SMARCAD1: variants seen among roughly 807,000 people sequenced by gnomAD.
SMARCAD1 encodes the protein SNF2 related chromatin remodeling ATPase with DExD box 1, also known as SWI/SNF-related matrix-associated actin-dependent regulator of chromatin subfamily A containing DEAD/H box 1.
In SMARCAD1, 25 loss-of-function variants were observed where a neutral mutation model predicts 127.1. That is an observed-to-expected ratio of 0.20 (90% confidence interval 0.14 to 0.27). The LOEUF is 0.27. Ranked by LOEUF, SMARCAD1 falls within the 10% of genes least tolerant of loss-of-function variation. The pLI is 1.00. For synonymous variants in SMARCAD1, 400 were observed against 396.9 expected, an observed-to-expected ratio of 1.01 and a Z score of -0.09; for missense variants, 807 against 1,206.0, an observed-to-expected ratio of 0.67 and a Z score of 4.90.
At chr4:94,225,975 T>A (rs1013967918) in intron 2 of SMARCAD1, 144 bp from the exon 3 acceptor site, 1 of 739,790 alleles carries the variant, frequency 1.4e-6, no homozygotes. Context: ...ATGATTAATT[T>A]TTTTCTTTAA....
chr4:94,220,736 G>A (rs541512692), intron 2 of SMARCAD1, among the ~76,000 whole-genome samples: 14 of 152,324 alleles, frequency 9.2e-5, no homozygotes, highest in Middle Eastern at 6.8e-3. Context: ...TTAGCACCAC[G>A]GATCAAGGCC....
chr4:94,237,461 A>G lies in SMARCAD1; in HGVS notation c.604+443A>G, dbSNP rs1268105440. On this transcript the variant is annotated intron_variant, in intron 5 of 23. Transcript: ENST00000354268. ...ATATAGAAGCGTGTCCAGTTTTTAA[A>G]TAAATGCTGACTCGATTTTTTTTAA... 4.6e-5 allele frequency among the ~76,000 whole-genome samples: 7 copies of G among 151,634 alleles called. No homozygotes were observed. The East Asian group carries it at 1.4e-3, about 30-fold the overall frequency.
At position 94,273,724 on chromosome 4, in the gene SMARCAD1, A is replaced by C; in HGVS notation, c.1672+8A>C. The C allele has an allele frequency of 6.3e-7, 1 of 1,597,374 alleles. No homozygotes were observed. The highest frequency in any genetic ancestry group is 8.6e-7 in the Non-Finnish European group (1 of 1,165,034). Reference sequence around the variant, plus strand: ...TTCCAGCTTCAACTATAGGTTTGTAATACTGGAGACAACTGTATTTAACTT... The same window carrying C: ...TTCCAGCTTCAACTATAGGTTTGTACTACTGGAGACAACTGTATTTAACTT... On this transcript the variant is annotated splice_region_variant and intron_variant, in intron 12 of 23. Coordinates refer to ENST00000354268, the MANE Select transcript of SMARCAD1 (RefSeq NM_020159.5).
At chr4:94,227,697 A>G (rs1362741398) in intron 3 of SMARCAD1, among the ~76,000 whole-genome samples, 1 of 152,222 alleles carries the variant, frequency 6.6e-6, no homozygotes, top group Non-Finnish European at 1.5e-5. Flanking sequence ...GAAAGTCAGC[A>G]ATTCATTCTT....
At chr4:94,260,489 G>C (rs902578576) in intron 9 of SMARCAD1, among the ~76,000 whole-genome samples, 1 of 151,854 alleles carries the variant, frequency 6.6e-6, no homozygotes, top group African/African-American at 2.4e-5. Flanking sequence ...GATTACAGGC[G>C]TGCACCACCA....
intron 5 of SMARCAD1, among the ~76,000 whole-genome samples, chr4:94,240,262 C>T (rs545718259): frequency 1.3e-5 from 2 of 152,304 alleles, no homozygotes; most frequent in African/African-American, 2.4e-5. Context: ...TACAAGCATA[C>T]ATAAGTAGCA....
At chr4:94,287,991 A>AAT (rs756833494) in intron 23 of SMARCAD1, among the ~76,000 whole-genome samples, 1 of 151,852 alleles carries the variant, frequency 6.6e-6, no homozygotes, top group African/African-American at 2.4e-5. Context: ...TCTCTATTAA[A>AAT]ATATATATAT....
At chr4:94,257,304 A>G (rs1187598932) in intron 9 of SMARCAD1, among the ~76,000 whole-genome samples, 2 of 152,316 alleles carry the variant, frequency 1.3e-5, no homozygotes, top group Admixed American at 6.5e-5. Context: ...AATTCTACCA[A>G]AGATACCCAC....
In SMARCAD1 at chr4:94,290,801, T is replaced by C. The variant is rs1367198677; in HGVS notation, c.*1267T>C. The C allele has an allele frequency of 2.3e-6, 1 of 432,404 alleles. No individual in the cohort carries two copies. Among genetic ancestry groups the C allele is most frequent in the Non-Finnish European group, 4.6e-6 (1 of 219,314 alleles). The allele number at this position is 432,404 out of a possible 1,614,324, so 26.8% of individuals were successfully genotyped here. On this transcript the variant is annotated 3_prime_UTR_variant, in exon 24 of 24. Transcript: ENST00000354268. ...TTTATTATGTAAATATCATTATAAA[T>C]AAACTTATTTATAAATCAAAGATTT... is the stretch of plus-strand genomic sequence containing the variant.
chr4:94,257,796 ATATAGT>A (rs1750338207), intron 9 of SMARCAD1, among the ~76,000 whole-genome samples: 2 of 151,998 alleles, frequency 1.3e-5, no homozygotes, highest in South Asian at 2.1e-4. Flanking sequence ...TCTTTATGTA[ATATAGT>A]TATAATGCAC....
intron 5 of SMARCAD1, among the ~76,000 whole-genome samples, chr4:94,238,537 CACTT>C (rs1235519421): frequency 6.6e-6 from 1 of 152,136 alleles, no homozygotes; most frequent in Non-Finnish European, 1.5e-5. Flanking sequence ...TCGTCCCTAG[CACTT>C]ACTTTAAAAG....
At chr4:94,235,504 T>C (rs1746512855) in intron 4 of SMARCAD1, among the ~76,000 whole-genome samples, 1 of 137,548 alleles carries the variant, frequency 7.3e-6, no homozygotes, top group African/African-American at 2.4e-5. Context: ...ATCTATGTTA[T>C]TTTTGACATG....
chr4:94,260,516 G>A (rs1209156283), intron 9 of SMARCAD1, among the ~76,000 whole-genome samples: 1 of 151,812 alleles, frequency 6.6e-6, no homozygotes. Context: ...GTTAATTTTT[G>A]TATTTTTAGT....
intron 16 of SMARCAD1, among the ~76,000 whole-genome samples, chr4:94,277,640 A>G (rs779818655): frequency 6.6e-6 from 1 of 152,226 alleles, no homozygotes; most frequent in Non-Finnish European, 1.5e-5. Flanking sequence ...CTTCACAAGA[A>G]AAGTTTTGTT....
In SMARCAD1 at chr4:94,279,017, A is replaced by G. The variant is rs1277899800; in HGVS notation, c.2385A>G (p.Glu795=). The part of the protein sequence containing the change: ...PLLHRQYYTA[E]KLKEMSQLML... The stretch of plus-strand genomic sequence containing the variant: ...TACATCGCCAATATTACACAGCTGA[A>G]AAACTCAAGGAAATGTCTCAGCTTA... Residue 795 remains glutamate (E), a synonymous_variant, in exon 19 of 24, where the codon GAA becomes GAG. Transcript: ENST00000354268. 6.2e-7 allele frequency: 1 copy of G among 1,614,032 alleles called. No homozygotes were observed. The highest frequency in any genetic ancestry group is 1.3e-5 in the African/African-American group (1 of 74,928).
intron 1 of SMARCAD1, 73 bp from the exon 2 acceptor site, chr4:94,208,273 A>G (rs777098697): frequency 3.8e-6 from 4 of 1,066,524 alleles, no homozygotes; most frequent in Non-Finnish European, 5.8e-6. Context: ...TTGCCTTGGG[A>G]ATAAACTGCT....
chr4:94,256,489 A>C (rs995136161), intron 9 of SMARCAD1, among the ~76,000 whole-genome samples: 10 of 152,018 alleles, frequency 6.6e-5, no homozygotes, highest in Non-Finnish European at 1.2e-4. Flanking sequence ...CAGCCTCCCT[A>C]GTAGCTGGGA....
In SMARCAD1 at chr4:94,248,340, T is replaced by A. The variant is rs1429591107; in HGVS notation, c.706-1314T>A. On this transcript the variant is annotated intron_variant, in intron 6 of 23. Transcript: ENST00000354268. ...TTGTCCATGACGCACATTTGATATA[T>A]TAACAAATGAACAACTGAAGTTTAG... The A allele has an allele frequency of 1.1e-5, 4 of 380,050 alleles. No homozygotes were observed. In the Admixed American group the frequency reaches 1.3e-4, roughly 12 times the overall value. The allele number at this position is 380,050 out of a possible 1,614,324, so 23.5% of individuals were successfully genotyped here. A position where few individuals can be genotyped will look rare whatever the true frequency, so the allele number is the denominator to read the frequency against.
intron 2 of SMARCAD1, among the ~76,000 whole-genome samples, chr4:94,224,551 G>C (rs1316259014): frequency 6.6e-6 from 1 of 152,082 alleles, no homozygotes; most frequent in Non-Finnish European, 1.5e-5. Flanking sequence ...TTCCACTCTT[G>C]GAGTCATGTC....
Sources: gnomAD v4.1 joint callset for allele counts (sites outside exome capture counted in the v4.1 genomes callset) on GRCh38, gnomAD v4.1.1 for gene constraint, MANE v1.5 for transcripts, NCBI Gene and HGNC (gene_info 2026-07-23, HGNC 2026-07-21) for gene names.